PLEKHA8: variants seen among roughly 807,000 people sequenced by gnomAD.
PLEKHA8 encodes pleckstrin homology domain containing A8.
PLEKHA8 carries 36 observed loss-of-function variants against 68.2 expected under a neutral mutation model. The ratio of observed to expected loss-of-function variants is 0.53; its 90% CI spans 0.40 to 0.70. The LOEUF is 0.70. PLEKHA8 is among the 30% of genes least tolerant of loss of function. The probability of loss-of-function intolerance (pLI) is 0.00; values close to 1 mark genes in which losing one functional copy is unlikely to be tolerated. For synonymous variants in PLEKHA8, 211 were observed against 216.1 expected (o/e 0.98, Z 0.20); for missense variants, 505 against 615.4 (o/e 0.82, Z 1.90).
chr7:30,075,805 T>A (rs1794577354), intron 13 of PLEKHA8, among the ~76,000 whole-genome samples: 1 of 152,204 alleles, frequency 6.6e-6, no homozygotes, highest in Non-Finnish European at 1.5e-5. Context: ...AGAATGCAGC[T>A]ATAGTAGAAA....
chr7:30,050,452 C>G lies in PLEKHA8; in HGVS notation c.616C>G (p.Pro206Ala). The change falls in exon 6 of 14, where the codon CCA becomes GCA. Residue 206 changes from proline (P) to alanine (A), a missense_variant. By Grantham distance (27) the Pro-to-Ala change is conservative. Coordinates refer to ENST00000449726, the MANE Select transcript of PLEKHA8 (RefSeq NM_001197026.2). ...KSSKMKHPII[P>A]IHNSLERQME... is the part of the protein sequence containing the mutation. ...TTTAAAGATGAAACATCCTATTATA[C>G]CAATTCATAATTCATTGGAAAGGTA... The G allele has an allele frequency of 6.3e-7, 1 of 1,578,500 alleles. No homozygotes were observed. The highest frequency in any genetic ancestry group is 8.6e-7 in the Non-Finnish European group (1 of 1,165,472).
In PLEKHA8 at chr7:30,052,859, T is replaced by C. The variant is rs750653458; in HGVS notation, c.789T>C (p.Asn263=). ...SISSEENTDD[N]ITVQGEIRKE... ...CAAGTGAGGAAAATACAGATGATAA[T>C]ATAACAGGTAAAAACAAAAGTAAAG... Residue 263 remains asparagine (N), a synonymous_variant, in exon 7 of 14, where the codon AAT becomes AAC. Transcript: ENST00000449726. The C allele has an allele frequency of 2.6e-5, 41 of 1,571,388 alleles. No homozygotes were observed. The highest frequency in any genetic ancestry group is 3.3e-4 in the Middle Eastern group (2 of 5,974).
intron 6 of PLEKHA8, 93 bp downstream of exon 6, chr7:30,050,567 G>T: frequency 7.3e-7 from 1 of 1,372,606 alleles, no homozygotes; most frequent in South Asian, 1.5e-5. Context: ...TCTTGTAATG[G>T]TTTTTCTCAG....
At chr7:30,072,301 TAC>T (rs879667146) in intron 12 of PLEKHA8, among the ~76,000 whole-genome samples, 10 of 152,384 alleles carry the variant, frequency 6.6e-5, no homozygotes, top group African/African-American at 2.2e-4. Context: ...ATTTCACATG[TAC>T]AGTCTTTTAT....
At chr7:30,114,306 C>G (rs1796360267) in intron 13 of PLEKHA8, among the ~76,000 whole-genome samples, 1 of 152,174 alleles carries the variant, frequency 6.6e-6, no homozygotes, top group African/African-American at 2.4e-5. Context: ...TTACAATAAC[C>G]CATTGATATA....
chr7:30,045,020 T>C, intron 1 of PLEKHA8, 65 bp from the exon 2 acceptor site: 1 of 1,120,472 alleles, frequency 8.9e-7, no homozygotes, highest in South Asian at 1.5e-5. Context: ...GCTCTATTTC[T>C]GTATCTTGGG....
downstream of PLEKHA8, among the ~76,000 whole-genome samples, chr7:30,091,880 A>G (rs1389464673): frequency 6.6e-6 from 1 of 152,244 alleles, no homozygotes; most frequent in African/African-American, 2.4e-5. Flanking sequence ...TTAGTTCAGC[A>G]TTAGCTTATG....
rs1020026215 is a variant in PLEKHA8, at chr7:30,090,377, G to C, written c.*202G>C. On this transcript the variant is annotated 3_prime_UTR_variant, in exon 13 of 13. Transcript: ENST00000258679. ...CAAATGTATTATTGCCAACCAAGTCGTCAAATCTAATGTCAAGTTCTCTTA... is the reference window on the plus strand; with the variant it reads ...CAAATGTATTATTGCCAACCAAGTCCTCAAATCTAATGTCAAGTTCTCTTA... 10 of 582,880 alleles carry C rather than the reference G, an allele frequency of 1.7e-5. No homozygotes were observed. The African/African-American group carries it at 1.9e-4, about 11-fold the overall frequency. 36.1% of individuals were successfully genotyped at this position (582,880 alleles called of 1,614,324 possible). A position where few individuals can be genotyped will look rare whatever the true frequency, so the allele number is the denominator to read the frequency against.
chr7:30,032,285 C>T (rs1332401815), intron 1 of PLEKHA8, among the ~76,000 whole-genome samples: 1 of 152,184 alleles, frequency 6.6e-6, no homozygotes, highest in Non-Finnish European at 1.5e-5. Flanking sequence ...GCAAACAGCC[C>T]TATTACTGCC....
At chr7:30,091,889 T>C (rs180690718), downstream of PLEKHA8, among the ~76,000 whole-genome samples, 15 of 152,378 alleles carry the variant, frequency 9.8e-5, no homozygotes, top group East Asian at 2.9e-3. Context: ...CATTAGCTTA[T>C]GCTGATCAAA....
intron 9 of PLEKHA8, among the ~76,000 whole-genome samples, chr7:30,057,100 T>C (rs1293710639): frequency 6.6e-6 from 1 of 152,002 alleles, no homozygotes; most frequent in African/African-American, 2.4e-5. Context: ...GTCTTAACTG[T>C]TATGATTCAG....
At position 30,080,633 on chromosome 7, in the gene PLEKHA8, A is replaced by G. The variant is rs571108755; in HGVS notation, c.*1846A>G. The stretch of plus-strand genomic sequence containing the variant: ...CTTCTGGAAAATACTTAAACTTGAA[A>G]AATCAACATCACATGTTTTAAAGCT... On this transcript the variant is annotated 3_prime_UTR_variant, in exon 14 of 14. Coordinates refer to ENST00000449726, the MANE Select transcript of PLEKHA8 (RefSeq NM_001197026.2). 4 of 985,226 alleles carry G rather than the reference A, an allele frequency of 4.1e-6. No homozygotes were observed. The highest frequency in any genetic ancestry group is 4.8e-6 in the Non-Finnish European group (4 of 829,894). The allele number at this position is 985,226 out of a possible 1,614,324, so 61.0% of individuals were successfully genotyped here.
chr7:30,094,275 CTTT>C (rs764501216), downstream of PLEKHA8, among the ~76,000 whole-genome samples: 2 of 138,252 alleles, frequency 1.4e-5, no homozygotes, highest in Non-Finnish European at 1.6e-5. Context: ...CAAGTTTCTA[CTTT>C]TTTTTTTTTT....
At chr7:30,117,954 G>T (rs749139374) in intron 13 of PLEKHA8, 1 of 1,514,616 alleles carries the variant, frequency 6.6e-7, no homozygotes, top group East Asian at 2.5e-5. Context: ...CTGAGACGTG[G>T]ATTCATTTCT....
At chr7:30,118,823 C>T (rs566096347) in intron 13 of PLEKHA8, among the ~76,000 whole-genome samples, 8 of 152,038 alleles carry the variant, frequency 5.3e-5, no homozygotes, top group South Asian at 2.1e-4. Flanking sequence ...GTGATCCGCC[C>T]GTCTGAGGCC....
chr7:30,121,527 GC>G (rs1796697646), intron 13 of PLEKHA8, among the ~76,000 whole-genome samples: 1 of 152,136 alleles, frequency 6.6e-6, no homozygotes, highest in South Asian at 2.1e-4. Context: ...TACTTGGGGG[GC>G]TGAGGCAGGA....
intron 13 of PLEKHA8, among the ~76,000 whole-genome samples, chr7:30,115,474 ATGTATACGTG>A (rs1032787322): frequency 6.6e-5 from 10 of 152,150 alleles, no homozygotes; most frequent in African/African-American, 2.4e-4. Context: ...GTATACACAC[ATGTATACGTG>A]TATGTAGACA....
chr7:30,078,634 G>A lies in PLEKHA8; in HGVS notation c.1407G>A (p.Ala469=), dbSNP rs748593540. The A allele has an allele frequency of 4.7e-5, 76 of 1,613,722 alleles. No homozygotes were observed. The highest frequency in any genetic ancestry group is 1.6e-4 in the Middle Eastern group (1 of 6,082). ...AAPSYEDFVA[A]LTVKEGDHQK... is the part of the protein sequence containing the mutation. ...CATCCTATGAAGATTTTGTGGCCGC[G>A]TTAACCGTAAAGGAAGGTGACCACC... is the stretch of plus-strand genomic sequence containing the variant. The change falls in exon 14 of 14, where the codon GCG becomes GCA. Residue 469 remains alanine (A), a synonymous_variant. Transcript: ENST00000449726.
intron 1 of PLEKHA8, among the ~76,000 whole-genome samples, chr7:30,039,712 T>C (rs528495146): frequency 1.3e-5 from 2 of 152,228 alleles, no homozygotes; most frequent in African/African-American, 4.8e-5. Context: ...AGGTTTTTTT[T>C]AGTGGCTTCC....
Sources: allele counts gnomAD v4.1 joint callset (sites outside exome capture counted in the v4.1 genomes callset), GRCh38; gene constraint gnomAD v4.1.1; transcripts MANE v1.5; gene names NCBI Gene and HGNC (gene_info 2026-07-23, HGNC 2026-07-21).